ARHGEF4: variants seen among roughly 807,000 people sequenced by gnomAD.
ARHGEF4 encodes Rho guanine nucleotide exchange factor 4.
Under a neutral mutation model 162.0 loss-of-function variants are expected in ARHGEF4, and 119 were observed. The ratio of observed to expected loss-of-function variants is 0.73; its 90% CI spans 0.63 to 0.86. The LOEUF is 0.86. Ranked by LOEUF, ARHGEF4 falls within the 40% of genes least tolerant of loss-of-function variation. ARHGEF4 has a pLI of 0.00. For missense variants in ARHGEF4, 2,488 were observed against 2,456.0 expected (o/e 1.01, Z -0.28); for synonymous variants, 1,014 against 979.9 (o/e 1.03, Z -0.65).
At chr2:130,999,755 T>C (rs1164668406) in intron 4 of ARHGEF4, among the ~76,000 whole-genome samples, 1 of 152,314 alleles carries the variant, frequency 6.6e-6, no homozygotes, top group East Asian at 1.9e-4. Flanking sequence ...CAGGCTGGAG[T>C]GCAGTGGCAC....
At position 130,875,671 on chromosome 2, in the gene ARHGEF4, C is replaced by T. The variant is rs368895673; in HGVS notation, c.40-38315C>T. Among the ~76,000 whole-genome samples, 10 of 152,288 alleles carry T rather than the reference C, an allele frequency of 6.6e-5. No homozygotes were observed. In the South Asian group the frequency reaches 1.9e-3, roughly 28 times the overall value. ...GATCAAATCACCTCTTAGATTTCGC[C>T]ACCTCCCAACACTGCCATGCTGGGG... On this transcript the variant is annotated intron_variant, in intron 1 of 13. Transcript: ENST00000409359.
intron 3 of ARHGEF4, among the ~76,000 whole-genome samples, chr2:130,941,661 A>AAAGAGAAAATGTTAAGAAAATCAGAGGG (rs1683306792): frequency 6.6e-6 from 1 of 152,246 alleles, no homozygotes; most frequent in African/African-American, 2.4e-5. Context: ...TAAGCCAGAG[A>AAAGAGAAAATGTTAAGAAAATCAGAGGG]AAGAGAAAAT....
intron 1 of ARHGEF4, among the ~76,000 whole-genome samples, chr2:130,864,214 AG>A (rs149372071): frequency 0.037 from 5,190 of 139,360 alleles, 309 homozygotes; most frequent in African/African-American, 0.13. Context: ...AAAAAAAAAA[AG>A]GAGTGAGTTA....
intron 4 of ARHGEF4, among the ~76,000 whole-genome samples, chr2:131,009,739 G>T (rs947904602): frequency 6.6e-6 from 1 of 152,004 alleles, no homozygotes; most frequent in African/African-American, 2.4e-5. Context: ...ATTTCTTCAT[G>T]CTTTAGAAGT....
intron 4 of ARHGEF4, among the ~76,000 whole-genome samples, chr2:130,980,610 C>G (rs528454675): frequency 1.3e-5 from 2 of 152,178 alleles, no homozygotes; most frequent in African/African-American, 4.8e-5. Flanking sequence ...CATCAACACA[C>G]ATTTCTAAGA....
chr2:130,888,726 G>A (rs1679670027), intron 1 of ARHGEF4, among the ~76,000 whole-genome samples: 1 of 152,058 alleles, frequency 6.6e-6, no homozygotes, highest in South Asian at 2.1e-4. Context: ...AACTGCATTG[G>A]ATCAGACAAC....
intron 4 of ARHGEF4, among the ~76,000 whole-genome samples, chr2:130,980,496 A>C (rs1686049772): frequency 6.6e-6 from 1 of 152,242 alleles, no homozygotes; most frequent in Non-Finnish European, 1.5e-5. Flanking sequence ...TCAGTTTTGG[A>C]AATTTAGTAT....
chr2:130,978,864 T>C (rs775101770), intron 4 of ARHGEF4, among the ~76,000 whole-genome samples: 2 of 152,236 alleles, frequency 1.3e-5, no homozygotes, highest in Non-Finnish European at 1.5e-5. Flanking sequence ...GTTCAGTCCA[T>C]GCAGTCACCT....
At chr2:130,888,456 G>A (rs1292037339) in intron 1 of ARHGEF4, among the ~76,000 whole-genome samples, 1 of 151,766 alleles carries the variant, frequency 6.6e-6, no homozygotes, top group Non-Finnish European at 1.5e-5. Context: ...GGCTGAGCGA[G>A]ACTCTGTCCC....
chr2:130,937,790 C>T (rs527534119), intron 3 of ARHGEF4, among the ~76,000 whole-genome samples: 12 of 152,002 alleles, frequency 7.9e-5, no homozygotes, highest in African/African-American at 2.9e-4. Flanking sequence ...GCCTCAGCCT[C>T]ACAAGTTGCT....
At chr2:131,003,597 T>C (rs1245768015) in intron 4 of ARHGEF4, among the ~76,000 whole-genome samples, 1 of 152,184 alleles carries the variant, frequency 6.6e-6, no homozygotes, top group Non-Finnish European at 1.5e-5. Flanking sequence ...TGCCTGTCAA[T>C]GAGGAAGAAG....
chr2:130,864,133 C>T (rs1440219028), intron 1 of ARHGEF4, among the ~76,000 whole-genome samples: 1 of 151,588 alleles, frequency 6.6e-6, no homozygotes, highest in Non-Finnish European at 1.5e-5. Context: ...TTGCAGTGAG[C>T]CGAGATTGCA....
chr2:130,868,644 G>A (rs560621565), intron 1 of ARHGEF4, among the ~76,000 whole-genome samples: 1 of 152,320 alleles, frequency 6.6e-6, no homozygotes, highest in African/African-American at 2.4e-5. Context: ...GTAGGACTTT[G>A]CAAACATTCT....
At chr2:131,009,616 C>A (rs1456590321) in intron 4 of ARHGEF4, among the ~76,000 whole-genome samples, 1 of 152,098 alleles carries the variant, frequency 6.6e-6, no homozygotes, top group Non-Finnish European at 1.5e-5. Context: ...TTCAGTATTT[C>A]CAATCTTCAG....
rs1475547973 is a variant in ARHGEF4, at chr2:130,914,199, C to A, written c.253C>A (p.Pro85Thr). ...CACAGAGTCCTTGTCTGGGTACCTC[C>A]CGAGGGGAGTCTTCCACCCTCTAAG... Reference protein sequence around the residue: ...SDTESLSGYLPRGVFHPLRGT... With the variant: ...SDTESLSGYLTRGVFHPLRGT... Residue 85 changes from proline (P) to threonine (T), a missense_variant, in exon 2 of 14, where the codon CCG becomes ACG. Coordinates refer to ENST00000409359, the MANE Select transcript of ARHGEF4 (RefSeq NM_001367493.1). 6.5e-7 allele frequency: 1 copy of A among 1,536,114 alleles called. No individual in the cohort carries two copies. Among genetic ancestry groups the A allele is most frequent in the South Asian group, 1.2e-5 (1 of 84,062 alleles).
chr2:130,946,139 T>C (rs553646734), intron 3 of ARHGEF4, among the ~76,000 whole-genome samples: 1 of 152,318 alleles, frequency 6.6e-6, no homozygotes, highest in Admixed American at 6.5e-5. Flanking sequence ...TGAGTTGTGT[T>C]TTAATGAAGC....
chr2:131,004,181 T>C (rs924338571), intron 4 of ARHGEF4, among the ~76,000 whole-genome samples: 3 of 152,170 alleles, frequency 2.0e-5, no homozygotes, highest in Admixed American at 6.5e-5. Context: ...TTGGGGTTTT[T>C]TTGAGACGGA....
At chr2:130,874,380 A>G (rs1446739226) in intron 1 of ARHGEF4, among the ~76,000 whole-genome samples, 1 of 152,202 alleles carries the variant, frequency 6.6e-6, no homozygotes, top group Non-Finnish European at 1.5e-5. Context: ...TTCTGCTGAC[A>G]TGGCCAGGCC....
chr2:130,879,355 A>G (rs866003227), intron 1 of ARHGEF4, among the ~76,000 whole-genome samples: 2 of 152,226 alleles, frequency 1.3e-5, no homozygotes, highest in African/African-American at 2.4e-5. Context: ...ATGGTGTACA[A>G]CATGATGTTT....
Sources: allele counts gnomAD v4.1 joint callset (sites outside exome capture counted in the v4.1 genomes callset), GRCh38; gene constraint gnomAD v4.1.1; transcripts MANE v1.5; gene names NCBI Gene and HGNC (gene_info 2026-07-23, HGNC 2026-07-21).